HMCN1: variants seen among roughly 807,000 people sequenced by gnomAD.
HMCN1 encodes the protein hemicentin-1.
In HMCN1, 321 loss-of-function variants were observed where a neutral mutation model predicts 625.9. That is an observed-to-expected ratio of 0.51 (90% CI 0.47 to 0.56). The LOEUF (loss-of-function observed/expected upper bound fraction) is 0.56. Ranked by LOEUF, HMCN1 falls within the 20% of genes least tolerant of loss-of-function variation. The probability of loss-of-function intolerance (pLI) is 0.00; values close to 1 mark genes in which losing one functional copy is unlikely to be tolerated. For synonymous variants in HMCN1, 2,425 were observed against 2,417.6 expected (o/e 1.00, Z -0.09); for missense variants, 6,588 against 6,887.3 (o/e 0.96, Z 1.54).
chr1:185,960,568 C>G (rs1193923775), intron 11 of HMCN1, among the ~76,000 whole-genome samples: 3 of 152,182 alleles, frequency 2.0e-5, no homozygotes, highest in Non-Finnish European at 2.9e-5. Flanking sequence ...TCAATGACCT[C>G]TTAGCTCTCT....
intron 100 of HMCN1, among the ~76,000 whole-genome samples, chr1:186,168,377 C>T (rs1298299731): frequency 1.3e-5 from 2 of 151,268 alleles, no homozygotes; most frequent in Non-Finnish European, 2.9e-5. Flanking sequence ...CGCTTGAACC[C>T]AGGAGGCTGA....
At chr1:185,814,513 A>G (rs1004927335) in intron 1 of HMCN1, among the ~76,000 whole-genome samples, 1 of 152,176 alleles carries the variant, frequency 6.6e-6, no homozygotes, top group African/African-American at 2.4e-5. Flanking sequence ...TACTAAAACA[A>G]TAACTTAACC....
intron 4 of HMCN1, among the ~76,000 whole-genome samples, chr1:185,884,803 A>G (rs1664530736): frequency 6.6e-6 from 1 of 152,042 alleles, no homozygotes; most frequent in Non-Finnish European, 1.5e-5. Context: ...TGATATCTCA[A>G]AATCAGAGCA....
intron 103 of HMCN1, among the ~76,000 whole-genome samples, chr1:186,175,876 C>CAAAAAAAAAAAAAAAAAA (rs758445916): frequency 7.9e-5 from 6 of 76,154 alleles, no homozygotes; most frequent in Non-Finnish European, 1.0e-4. Context: ...AACTATGTCT[C>CAAAAAAAAAAAAAAAAAA]AAAAAAAAAA....
chr1:185,882,557 C>A (rs536194555), intron 4 of HMCN1, among the ~76,000 whole-genome samples: 39 of 151,112 alleles, frequency 2.6e-4, no homozygotes, highest in Admixed American at 1.1e-3. Flanking sequence ...GTAGTTGCCA[C>A]AAAAAAATGA....
In HMCN1 at chr1:186,041,089, T is replaced by C; in HGVS notation, c.6257T>C (p.Val2086Ala). The change falls in exon 40 of 107, where the codon GTG (valine) becomes GCG (alanine). Residue 2086 changes from valine to alanine, a missense_variant. By Grantham distance (64) the Val-to-Ala change is moderately conservative. This residue lies in a region of HMCN1 where 4,628 missense variants were observed against 4,853.1 expected (regional missense o/e 0.95). Coordinates refer to ENST00000271588, the MANE Select transcript of HMCN1 (RefSeq NM_031935.3). Reference protein sequence around the residue: ...SDTGRYTCVAVNAAGEKQRDI... With the variant: ...SDTGRYTCVAANAAGEKQRDI... ...ACAGGAAGGTACACCTGCGTGGCAG[T>C]GAATGCTGCTGGAGAAAAGCAAAGG... 1 of 1,612,904 alleles carries C rather than the reference T, an allele frequency of 6.2e-7. No individual in the cohort carries two copies. Among genetic ancestry groups the C allele is most frequent in the Non-Finnish European group, 8.5e-7 (1 of 1,179,114 alleles).
chr1:185,891,344 T>A (rs1296365908), intron 4 of HMCN1, among the ~76,000 whole-genome samples: 5 of 146,208 alleles, frequency 3.4e-5, no homozygotes, highest in East Asian at 3.9e-4. Flanking sequence ...GTGAATTTGA[T>A]CCTGTCATTA....
At position 185,994,810 on chromosome 1, in the gene HMCN1, T is replaced by G; in HGVS notation, c.3506-5T>G. 1 of 1,613,046 alleles carries G rather than the reference T, an allele frequency of 6.2e-7. No homozygotes were observed. Among genetic ancestry groups the G allele is most frequent in the Non-Finnish European group, 8.5e-7 (1 of 1,179,194 alleles). On this transcript the variant is annotated splice_region_variant and splice_polypyrimidine_tract_variant and intron_variant, in intron 23 of 106. Transcript: ENST00000271588. ...GGATTATTAATACCCAGTTATTATT[T>G]CTAGTTCCTCCAAAGATACAGCGTG...
intron 10 of HMCN1, among the ~76,000 whole-genome samples, chr1:185,929,073 A>T (rs1304495813): frequency 6.6e-6 from 1 of 152,112 alleles, no homozygotes; most frequent in Non-Finnish European, 1.5e-5. Context: ...TTTTGAAATG[A>T]TCATATAGCA....
At chr1:185,749,482 C>G (rs919294891) in intron 1 of HMCN1, among the ~76,000 whole-genome samples, 1 of 152,164 alleles carries the variant, frequency 6.6e-6, no homozygotes, top group African/African-American at 2.4e-5. Flanking sequence ...AAGTACCTCA[C>G]GTTTATCATC....
At chr1:186,053,152 G>T (rs1414188472) in intron 43 of HMCN1, 78 bp downstream of exon 43, 2 of 1,378,010 alleles carry the variant, frequency 1.5e-6, no homozygotes, top group Non-Finnish European at 2.0e-6. Context: ...AAATGTGTTA[G>T]ATTATAAACA....
intron 24 of HMCN1, among the ~76,000 whole-genome samples, chr1:185,996,875 A>G (rs1652827785): frequency 6.6e-6 from 1 of 152,158 alleles, no homozygotes; most frequent in African/African-American, 2.4e-5. Context: ...TTTATCTTAT[A>G]GACAAAATGA....
At chr1:185,742,093 C>A (rs903672290) in intron 1 of HMCN1, among the ~76,000 whole-genome samples, 4 of 152,114 alleles carry the variant, frequency 2.6e-5, no homozygotes, top group Non-Finnish European at 5.9e-5. Context: ...AAAAGAACAT[C>A]CAGTTTGAAA....
intron 15 of HMCN1, among the ~76,000 whole-genome samples, chr1:185,975,694 A>C (rs1398298490): frequency 6.6e-6 from 1 of 152,212 alleles, no homozygotes; most frequent in East Asian, 1.9e-4. Flanking sequence ...TTATAAGTCA[A>C]ATTTCCATAT....
chr1:185,885,511 C>T (rs1435683976), intron 4 of HMCN1, among the ~76,000 whole-genome samples: 2 of 150,266 alleles, frequency 1.3e-5, no homozygotes, highest in Non-Finnish European at 3.0e-5. Flanking sequence ...TGACAAATTT[C>T]CTGACGTTTT....
intron 102 of HMCN1, 117 bp from the exon 103 acceptor site, chr1:186,174,397 C>A: frequency 8.3e-7 from 1 of 1,210,334 alleles, no homozygotes; most frequent in Non-Finnish European, 1.2e-6. Context: ...CTGGTATGAT[C>A]TCAACCACTT....
chr1:185,742,610 G>C (rs1441319939), intron 1 of HMCN1, among the ~76,000 whole-genome samples: 1 of 152,098 alleles, frequency 6.6e-6, no homozygotes, highest in Non-Finnish European at 1.5e-5. Context: ...ATAGGAAAAA[G>C]AGCCAAAAAG....
chr1:186,146,897 C>T (rs1404960746), intron 93 of HMCN1, among the ~76,000 whole-genome samples: 2 of 152,274 alleles, frequency 1.3e-5, no homozygotes, highest in East Asian at 1.9e-4. Context: ...GCCAGGTATT[C>T]AGAATGAGGA....
In HMCN1 at chr1:185,734,396, C is replaced by T. The variant is rs1653396043; in HGVS notation, c.-384C>T. The stretch of plus-strand genomic sequence containing the variant: ...AGTGGAAAGTTGGGAACCTCAGTCG[C>T]TGGCCCAGGCGGAGAGCAGCGGCGG... On this transcript the variant is annotated 5_prime_UTR_variant, in exon 1 of 107. Coordinates refer to ENST00000271588, the MANE Select transcript of HMCN1 (RefSeq NM_031935.3). Among the ~76,000 whole-genome samples the T allele has an allele frequency of 6.6e-6, 1 of 152,206 alleles. No individual in the cohort carries two copies.
Sources: allele counts gnomAD v4.1 joint callset (sites outside exome capture counted in the v4.1 genomes callset), GRCh38; gene constraint gnomAD v4.1.1; regional missense constraint gnomAD v4.1.1; transcripts MANE v1.5; gene names NCBI Gene and HGNC (gene_info 2026-07-23, HGNC 2026-07-21).